Variants in SH2D3C observed in about 807,000 individuals in gnomAD.
The protein encoded by SH2D3C is SH2 domain containing 3C, also known as SH2 domain-containing protein 3C.
Under a neutral mutation model 75.2 loss-of-function variants are expected in SH2D3C, and 25 were observed. The ratio of observed to expected loss-of-function variants is 0.33; its 90% confidence interval spans 0.24 to 0.46. The LOEUF (loss-of-function observed/expected upper bound fraction) is 0.46. Among genes scored for constraint, SH2D3C ranks in the 20% least tolerant of loss-of-function variants. The pLI, the probability that SH2D3C is intolerant of heterozygous loss-of-function variation, is 1.00. For missense variants in SH2D3C, 933 were observed against 1,165.3 expected (o/e 0.80, Z 2.90); for synonymous variants, 450 against 473.7 (o/e 0.95, Z 0.65).
At chr9:127,758,792 G>A (rs1396033848) in intron 3 of SH2D3C, among the ~76,000 whole-genome samples, 2 of 152,196 alleles carry the variant, frequency 1.3e-5, no homozygotes. Context: ...TCCTCCTCCA[G>A]AAAGCTTTCC....
rs776678290 is a variant in SH2D3C, at chr9:127,749,278, G to A, written c.1072C>T (p.Arg358Cys). 3.0e-5 allele frequency: 48 copies of A among 1,605,934 alleles called. No homozygotes were observed. Among genetic ancestry groups the A allele is most frequent in the Non-Finnish European group, 3.5e-5 (41 of 1,175,652 alleles). ...AGCCCATCGGTCATGGTGACGCTGC[G>A]CCGCTTCATGTGGCTGCCCTTGGGG... ...SGPKGSHMKRRSVTMTDGLTA... is the reference protein window; with the variant it reads ...SGPKGSHMKRCSVTMTDGLTA... The change falls in exon 5 of 12, where the codon CGC (arginine) becomes TGC (cysteine). Residue 358 changes from arginine (R) to cysteine (C), a missense_variant. By Grantham distance (180) the Arg-to-Cys change is radical. Transcript: ENST00000314830. This position sits in a 1 kb window ranked among gnomAD's most constrained non-coding sequence, Gnocchi z 5.9.
intron 2 of SH2D3C, among the ~76,000 whole-genome samples, chr9:127,768,919 C>T (rs912164387): frequency 9.2e-5 from 14 of 152,214 alleles, no homozygotes; most frequent in Non-Finnish European, 1.6e-4. Flanking sequence ...TTTGTCCCTT[C>T]GTCTCCTTTG....
chr9:127,743,406 G>A (rs1046637055), intron 7 of SH2D3C, among the ~76,000 whole-genome samples: 1 of 152,168 alleles, frequency 6.6e-6, no homozygotes, highest in South Asian at 2.1e-4. Flanking sequence ...GGGAGGTTGG[G>A]GCAGGAGAAT....
intron 2 of SH2D3C, among the ~76,000 whole-genome samples, chr9:127,769,607 G>C (rs1845696394): frequency 1.4e-5 from 2 of 140,150 alleles, no homozygotes; most frequent in Admixed American, 7.6e-5. Flanking sequence ...GGTCAGCCGA[G>C]ATCACACCAT....
chr9:127,750,184 G>T (rs913598117), intron 4 of SH2D3C, among the ~76,000 whole-genome samples: 8 of 147,466 alleles, frequency 5.4e-5, no homozygotes, highest in Admixed American at 4.7e-4. Flanking sequence ...TTATTATTAA[G>T]ATGGAGTCTC....
At chr9:127,771,022 C>G (rs1243968788) in intron 2 of SH2D3C, among the ~76,000 whole-genome samples, 1 of 152,174 alleles carries the variant, frequency 6.6e-6, no homozygotes, top group Non-Finnish European at 1.5e-5. Context: ...TAAGCAGATG[C>G]CTGACCTGCG....
rs536578808 is a variant in SH2D3C, at chr9:127,774,404, C to T, written c.101G>A (p.Arg34Gln). Reference protein sequence around the residue: ...SNLPRSFTLRRSSASISRQSH... With the variant: ...SNLPRSFTLRQSSASISRQSH... ...CTGCCTACTGATGGAAGCTGAGGATCGTCTCAGAGTGAAGGACCGAGGGAG... is the reference window on the plus strand; with the variant it reads ...CTGCCTACTGATGGAAGCTGAGGATTGTCTCAGAGTGAAGGACCGAGGGAG... Residue 34 changes from arginine to glutamine, a missense_variant, in exon 2 of 12, where the codon CGA becomes CAA. Physicochemically the swap from Arg to Gln is conservative, Grantham distance 43. Coordinates refer to ENST00000314830, the MANE Select transcript of SH2D3C (RefSeq NM_170600.3). This position sits in a 1 kb window ranked among gnomAD's most constrained non-coding sequence, Gnocchi z 4.3. 5.0e-6 allele frequency: 8 copies of T among 1,613,690 alleles called. No homozygotes were observed. The highest frequency in any genetic ancestry group is 4.0e-5 in the African/African-American group (3 of 75,004).
chr9:127,760,698 C>T (rs1450484498), intron 3 of SH2D3C, among the ~76,000 whole-genome samples: 4 of 152,136 alleles, frequency 2.6e-5, no homozygotes, highest in Non-Finnish European at 4.4e-5. Context: ...CACAAGAAGG[C>T]TCTCCCTACC....
In SH2D3C at chr9:127,773,941, A is replaced by G. The variant is rs1253011886; in HGVS notation, c.515+49T>C. On this transcript the variant is annotated intron_variant, in intron 2 of 11. Coordinates refer to ENST00000314830, the MANE Select transcript of SH2D3C (RefSeq NM_170600.3). Reference sequence around the variant, plus strand: ...TCAAAAAAAAAAAAAAGAAAAAGAAAAAAACAGAAGCCATCCCTGCAGGTC... The same window carrying G: ...TCAAAAAAAAAAAAAAGAAAAAGAAGAAAACAGAAGCCATCCCTGCAGGTC... 5.2e-6 allele frequency: 6 copies of G among 1,153,400 alleles called. No homozygotes were observed. The East Asian group carries it at 1.4e-4, about 27-fold the overall frequency. The allele number at this position is 1,153,400 out of a possible 1,614,324, so 71.4% of individuals were successfully genotyped here. A position where few individuals can be genotyped will look rare whatever the true frequency, so the allele number is the denominator to read the frequency against.
intron 2 of SH2D3C, among the ~76,000 whole-genome samples, chr9:127,767,861 T>G (rs941079870): frequency 2.0e-5 from 3 of 152,218 alleles, no homozygotes; most frequent in African/African-American, 7.2e-5. Context: ...GGTCACACAG[T>G]CAGTGGGCCT....
At chr9:127,768,955 C>T (rs1258604683) in intron 2 of SH2D3C, among the ~76,000 whole-genome samples, 1 of 152,238 alleles carries the variant, frequency 6.6e-6, no homozygotes, top group Non-Finnish European at 1.5e-5. Context: ...CTCACTGAGC[C>T]TTTCTTTCTG....
chr9:127,747,830 A>G (rs116027896), intron 5 of SH2D3C, among the ~76,000 whole-genome samples: 5,977 of 152,094 alleles, frequency 0.039, 157 homozygotes, highest in African/African-American at 0.075. Flanking sequence ...ACGAGCCACC[A>G]CGCTTGGCCA....
chr9:127,742,933 A>G lies in SH2D3C; in HGVS notation c.1832T>C (p.Met611Thr), dbSNP rs140246171. Reference sequence around the variant, plus strand: ...CCAGCGGACTCCCATTAGGGTCTGCATCTCCTTGGTAACGCCCAGTATCCT... The same window carrying G: ...CCAGCGGACTCCCATTAGGGTCTGCGTCTCCTTGGTAACGCCCAGTATCCT... ...VARILGVTKE[M>T]QTLMGVRWGM... is the part of the protein sequence containing the mutation. Residue 611 changes from methionine to threonine, a missense_variant, in exon 8 of 12, where the codon ATG (methionine) becomes ACG (threonine). Physicochemically the swap from Met to Thr is moderately conservative, Grantham distance 81. Coordinates refer to ENST00000314830, the MANE Select transcript of SH2D3C (RefSeq NM_170600.3). 6.2e-7 allele frequency: 1 copy of G among 1,613,870 alleles called. No homozygotes were observed. The highest frequency in any genetic ancestry group is 8.5e-7 in the Non-Finnish European group (1 of 1,179,846).
intron 3 of SH2D3C, chr9:127,755,168 C>T (rs1845339906): frequency 8.2e-7 from 1 of 1,216,448 alleles, no homozygotes. Context: ...ATGGTGGGGC[C>T]AGGCTGCCGG....
In SH2D3C at chr9:127,747,028, T is replaced by C; in HGVS notation, c.1264+119A>G. On this transcript the variant is annotated intron_variant, in intron 6 of 11. Transcript: ENST00000314830. Reference sequence around the variant, plus strand: ...TAGCAGGATTCCAGTGTCAGTTCTTTCTCTTGGTAAAGGTCGCGCCTCATA... The same window carrying C: ...TAGCAGGATTCCAGTGTCAGTTCTTCCTCTTGGTAAAGGTCGCGCCTCATA... 3.1e-6 allele frequency: 3 copies of C among 960,954 alleles called. No homozygotes were observed. In the South Asian group the frequency reaches 4.9e-5, roughly 16 times the overall value. 59.5% of individuals were successfully genotyped at this position (960,954 alleles called of 1,614,324 possible).
At chr9:127,742,657 G>T in intron 8 of SH2D3C, 192 bp downstream of exon 8, 1 of 542,224 alleles carries the variant, frequency 1.8e-6, no homozygotes. Flanking sequence ...GGAGATACAG[G>T]ATTCAGTCTT....
chr9:127,775,941 G>C (rs1845802181), intron 1 of SH2D3C, among the ~76,000 whole-genome samples: 1 of 151,452 alleles, frequency 6.6e-6, no homozygotes, highest in Non-Finnish European at 1.5e-5. Flanking sequence ...CGATTCTCCT[G>C]CCTCAGCCTC....
intron 1 of SH2D3C, among the ~76,000 whole-genome samples, chr9:127,775,147 G>A (rs1845791772): frequency 6.6e-6 from 1 of 152,082 alleles, no homozygotes; most frequent in South Asian, 2.1e-4. Flanking sequence ...ATGGTGCTTG[G>A]CACACAGAAT....
intron 2 of SH2D3C, chr9:127,767,299 C>T: frequency 2.8e-6 from 4 of 1,439,670 alleles, no homozygotes; most frequent in Non-Finnish European, 3.6e-6. Flanking sequence ...AAAGAAAAGG[C>T]ATCTACTGAG....
Sources: allele counts gnomAD v4.1 joint callset (sites outside exome capture counted in the v4.1 genomes callset), GRCh38; gene constraint gnomAD v4.1.1; non-coding constraint Gnocchi (gnomAD v3.1); transcripts MANE v1.5; gene names NCBI Gene and HGNC (gene_info 2026-07-23, HGNC 2026-07-21).